ZNF576: variants seen among roughly 807,000 people sequenced by gnomAD.
ZNF576 encodes the protein zinc finger protein 576.
A neutral mutation model predicts 10.8 loss-of-function variants in ZNF576; 9 were observed. The ratio of observed to expected loss-of-function variants is 0.84; its 90% CI spans 0.50 to 1.46. The LOEUF is 1.46. Ranked by LOEUF, ZNF576 falls within the 40% of genes most tolerant of loss-of-function variation. The pLI is 0.00. For missense variants in ZNF576, 191 were observed against 233.7 expected, an observed-to-expected ratio of 0.82 and a Z score of 1.19; for synonymous variants, 88 against 89.6, an observed-to-expected ratio of 0.98 and a Z score of 0.10.
intron 2 of ZNF576, chr19:43,597,581 C>A: frequency 5.0e-6 from 1 of 198,978 alleles, no homozygotes; most frequent in Non-Finnish European, 1.1e-5. Context: ...GAGGGTGGTA[C>A]TTCCCACCTC....
At chr19:43,597,465 T>C (rs1973159975) in intron 2 of ZNF576, 1 of 365,218 alleles carries the variant, frequency 2.7e-6, no homozygotes, top group South Asian at 2.8e-5. Flanking sequence ...GGGTTGGAGA[T>C]GTGGCTGGGA....
chr19:43,596,975 A>AG lies in ZNF576; in HGVS notation c.-15-115dup. ...AGAGTTCAAGGAGATAGTATGTCGTAGGGGTCAAAGGCAGGCAAGGAGAGC... is the reference window on the plus strand; with the variant it reads ...AGAGTTCAAGGAGATAGTATGTCGTAGGGGGTCAAAGGCAGGCAAGGAGAGC... On this transcript the variant is annotated intron_variant, in intron 1 of 2. Coordinates refer to ENST00000336564, the MANE Select transcript of ZNF576 (RefSeq NM_001145347.2). 5.6e-6 allele frequency: 4 copies of AG among 719,144 alleles called. No individual in the cohort carries two copies. In the South Asian group the frequency reaches 6.7e-5, roughly 12 times the overall value. The allele number at this position is 719,144 out of a possible 1,614,324, so 44.5% of individuals were successfully genotyped here.
rs562231200 is a variant in ZNF576 at position 43,599,688 on chromosome 19, C to G, written c.*430C>G. The G allele has an allele frequency of 1.1e-4, 18 of 163,026 alleles. No individual in the cohort carries two copies. In the South Asian group the frequency reaches 3.1e-3, roughly 28 times the overall value. The allele number at this position is 163,026 out of a possible 1,614,324, so 10.1% of individuals were successfully genotyped here. A position where few individuals can be genotyped will look rare whatever the true frequency, so the allele number is the denominator to read the frequency against. On this transcript the variant is annotated 3_prime_UTR_variant, in exon 3 of 3. Transcript: ENST00000336564. ...GAGGTGTTGCTGGCCTGTAATGCCA[C>G]CAGGTGAGTTCCAGATGTGGAGCAA...
intron 2 of ZNF576, among the ~76,000 whole-genome samples, chr19:43,598,079 A>G (rs761369167): frequency 2.1e-4 from 32 of 152,206 alleles, no homozygotes; most frequent in Non-Finnish European, 4.0e-4. Flanking sequence ...TCTTACCCAG[A>G]AGGAGGAAGG....
chr19:43,597,769 T>C (rs1456336145), intron 2 of ZNF576, among the ~76,000 whole-genome samples: 1 of 152,178 alleles, frequency 6.6e-6, no homozygotes, highest in East Asian at 1.9e-4. Flanking sequence ...CTTCTAATAA[T>C]AGGCCCTTTA....
chr19:43,598,835 C>A lies in ZNF576; in HGVS notation c.90C>A (p.His30Gln), dbSNP rs1199386076. Residue 30 changes from histidine to glutamine, a missense_variant, in exon 3 of 3, where the codon CAC becomes CAA. His to Gln is a conservative substitution (Grantham distance 24). Coordinates refer to ENST00000336564, the MANE Select transcript of ZNF576 (RefSeq NM_001145347.2). ...SPQSPGGNIC[H>Q]LGAPKCTRCL... ...CCTCTCCCCCACATTCCTCAGGCCA[C>A]CTGGGGGCCCCGAAGTGCACCCGCT... is the stretch of plus-strand genomic sequence containing the variant. 7 of 1,554,614 alleles carry A rather than the reference C, an allele frequency of 4.5e-6. No individual in the cohort carries two copies. Among genetic ancestry groups the A allele is most frequent in the Non-Finnish European group, 6.1e-6 (7 of 1,146,024 alleles).
At chr19:43,596,908 T>G in intron 1 of ZNF576, 165 bp downstream of exon 1, 1 of 535,720 alleles carries the variant, frequency 1.9e-6, no homozygotes, top group East Asian at 3.3e-5. Flanking sequence ...ATCCAGTCCT[T>G]TGGGAGGTTT....
chr19:43,597,127 G>C lies in ZNF576; in HGVS notation c.19G>C (p.Glu7Gln). The change falls in exon 2 of 3, where the codon GAA becomes CAA. Residue 7 changes from glutamate to glutamine, a missense_variant. Glu to Gln is a conservative substitution (Grantham distance 29, BLOSUM62 2). Transcript: ENST00000336564. ...CAGCACCATGGAGGACCCGAACCCT[G>C]AAGAGAACATGAAGCAGCAGGATTC... Reference protein sequence around the residue: MEDPNPEENMKQQDSPK... With the variant: MEDPNPQENMKQQDSPK... 6.2e-7 allele frequency: 1 copy of C among 1,614,134 alleles called. No homozygotes were observed. Among genetic ancestry groups the C allele is most frequent in the South Asian group, 1.1e-5 (1 of 91,084 alleles).
rs1454619340 is a variant in ZNF576 at position 43,597,179 on chromosome 19, C to T, written c.71C>T (p.Pro24Leu). Residue 24 changes from proline (P) to leucine (L), a missense_variant, in exon 2 of 3, where the codon CCA becomes CTA. Coordinates refer to ENST00000336564, the MANE Select transcript of ZNF576 (RefSeq NM_001145347.2). ...CCCAAGGAGAGAAGTCCCCAGAGCC[C>T]AGGAGGCAACATCTGTGAGTACACA... is the stretch of plus-strand genomic sequence containing the variant. ...DSPKERSPQS[P>L]GGNICHLGAP... 6.2e-7 allele frequency: 1 copy of T among 1,614,070 alleles called. No homozygotes were observed. Among genetic ancestry groups the T allele is most frequent in the South Asian group, 1.1e-5 (1 of 91,074 alleles).
chr19:43,599,403 A>G lies in ZNF576; in HGVS notation c.*145A>G. On this transcript the variant is annotated 3_prime_UTR_variant, in exon 3 of 3. Coordinates refer to ENST00000336564, the MANE Select transcript of ZNF576 (RefSeq NM_001145347.2). ...AGAGGGCTCTTAATAAAGAGGACCC[A>G]GAAGATTCTTATTTAGAGCTTCAGT... 3.8e-6 allele frequency: 3 copies of G among 780,468 alleles called. No individual in the cohort carries two copies. Among genetic ancestry groups the G allele is most frequent in the East Asian group, 2.7e-5 (1 of 36,750 alleles). 48.3% of individuals were successfully genotyped at this position (780,468 alleles called of 1,614,324 possible). A position where few individuals can be genotyped will look rare whatever the true frequency, so the allele number is the denominator to read the frequency against.
In ZNF576 at chr19:43,599,434, G is replaced by A; in HGVS notation, c.*176G>A. 1 of 629,990 alleles carries A rather than the reference G, an allele frequency of 1.6e-6. No individual in the cohort carries two copies. The highest frequency in any genetic ancestry group is 2.1e-5 in the South Asian group (1 of 47,754). 39.0% of individuals were successfully genotyped at this position (629,990 alleles called of 1,614,324 possible). A position where few individuals can be genotyped will look rare whatever the true frequency, so the allele number is the denominator to read the frequency against. Reference sequence around the variant, plus strand: ...TTCTTATTTAGAGCTTCAGTCTTTGGAGCACACAGGGCCTTCGTGAGACAG... The same window carrying A: ...TTCTTATTTAGAGCTTCAGTCTTTGAAGCACACAGGGCCTTCGTGAGACAG... On this transcript the variant is annotated 3_prime_UTR_variant, in exon 3 of 3. Coordinates refer to ENST00000336564, the MANE Select transcript of ZNF576 (RefSeq NM_001145347.2).
chr19:43,600,957 A>G lies in ZNF576; in HGVS notation c.*1699A>G, dbSNP rs933008704. 6.6e-6 allele frequency: 1 copy of G among 151,504 alleles called. No individual in the cohort carries two copies. Among genetic ancestry groups the G allele is most frequent in the African/African-American group, 2.5e-5 (1 of 40,750 alleles). The allele number at this position is 151,504 out of a possible 1,614,324, so 9.4% of individuals were successfully genotyped here. On this transcript the variant is annotated 3_prime_UTR_variant, in exon 3 of 3. Transcript: ENST00000336564. ...GGATAAGAGCAACACGTGGGAAGAC[A>G]GAGCAACAAGATAGGAGCCTGGGTC...
At chr19:43,598,752 T>C (rs930573249) in intron 2 of ZNF576, 79 bp from the exon 3 acceptor site, 18 of 1,141,280 alleles carry the variant, frequency 1.6e-5, no homozygotes, top group Non-Finnish European at 2.3e-5. Flanking sequence ...ATGTTAATTG[T>C]TGGTGTGATT....
At position 43,599,232 on chromosome 19, in the gene ZNF576, A is replaced by C. The variant is rs1340861896; in HGVS notation, c.487A>C (p.Ile163Leu). The stretch of plus-strand genomic sequence containing the variant: ...GGAAGCAGGGCTGCATCAACACTAC[A>C]TTCGGCATGCCCGGGGGGAGCTCTG... ...AQEAGLHQHYIRHARGEL is the reference protein window; with the variant it reads ...AQEAGLHQHYLRHARGEL The change falls in exon 3 of 3, where the codon ATT becomes CTT. Residue 163 changes from isoleucine (I) to leucine (L), a missense_variant. Coordinates refer to ENST00000336564, the MANE Select transcript of ZNF576 (RefSeq NM_001145347.2). The C allele has an allele frequency of 6.2e-7, 1 of 1,613,884 alleles. No individual in the cohort carries two copies. The highest frequency in any genetic ancestry group is 2.2e-5 in the East Asian group (1 of 44,864).
Position 43,599,471 on chromosome 19 carries a change from A to C in ZNF576, c.*213A>C, listed in dbSNP as rs1277271476. The C allele has an allele frequency of 1.9e-6, 1 of 534,510 alleles. No homozygotes were observed. Among genetic ancestry groups the C allele is most frequent in the African/African-American group, 1.9e-5 (1 of 51,720 alleles). The allele number at this position is 534,510 out of a possible 1,614,324, so 33.1% of individuals were successfully genotyped here. ...CCTTCGTGAGACAGTGAAATCAGAT[A>C]ATAATGAGATCTTTTGTTAAAAAAA... On this transcript the variant is annotated 3_prime_UTR_variant, in exon 3 of 3. Transcript: ENST00000336564.
At chr19:43,596,880 G>A in intron 1 of ZNF576, 137 bp downstream of exon 1, 3 of 504,688 alleles carry the variant, frequency 5.9e-6, no homozygotes, top group South Asian at 2.1e-5. Context: ...GACTCTAGGG[G>A]AGTCCCAAAC....
Position 43,600,119 on chromosome 19 carries a change from TA to T in ZNF576, c.*862del, listed in dbSNP as rs1393431752. 2 of 152,230 alleles carry T rather than the reference TA, an allele frequency of 1.3e-5. No individual in the cohort carries two copies. Among genetic ancestry groups the T allele is most frequent in the African/African-American group, 4.8e-5 (2 of 41,470 alleles). The allele number at this position is 152,230 out of a possible 1,614,324, so 9.4% of individuals were successfully genotyped here. On this transcript the variant is annotated 3_prime_UTR_variant, in exon 3 of 3. Transcript: ENST00000336564. ...AAACTGGTTTGGAATCAAACAGAGA[TA>T]CCTTCTGTTTCGGGTTTTATTTGGC...
rs1476442575 is a variant in ZNF576, at chr19:43,599,272, C to T, written c.*14C>T. ...GGGGAGCTCTGAGTGCAGCTTAAGC[C>T]TCTCCACGGTGACGGGTGGCTCTGT... On this transcript the variant is annotated 3_prime_UTR_variant, in exon 3 of 3. Coordinates refer to ENST00000336564, the MANE Select transcript of ZNF576 (RefSeq NM_001145347.2). 5.0e-6 allele frequency: 8 copies of T among 1,603,936 alleles called. 1 individual carries two copies. The Admixed American group carries it at 1.0e-4, about 20-fold the overall frequency.
chr19:43,596,803 C>G (rs1214808786), intron 1 of ZNF576, 60 bp downstream of exon 1: 6 of 240,934 alleles, frequency 2.5e-5, no homozygotes, highest in African/African-American at 4.5e-5. Flanking sequence ...TGTCAAAGAT[C>G]AAGGCTTCCA....
Sources: allele counts gnomAD v4.1 joint callset (sites outside exome capture counted in the v4.1 genomes callset), GRCh38; gene constraint gnomAD v4.1.1; transcripts MANE v1.5; gene names NCBI Gene and HGNC (gene_info 2026-07-23, HGNC 2026-07-21).